The following ATP9B variants were observed in gnomAD, a reference collection of about 807,000 sequenced individuals.
The protein encoded by ATP9B is probable phospholipid-transporting ATPase IIB.
A neutral mutation model predicts 146.1 loss-of-function variants in ATP9B; 110 were observed. The observed-to-expected ratio is 0.75, with a 90% confidence interval of 0.65 to 0.88. The LOEUF (loss-of-function observed/expected upper bound fraction) is 0.88. ATP9B is among the 40% of genes least tolerant of loss of function. ATP9B has a pLI of 0.00. For synonymous variants in ATP9B, 604 were observed against 569.7 expected (o/e 1.06, Z -0.86); for missense variants, 1,499 against 1,496.4 (o/e 1.00, Z -0.03).
chr18:79,208,945 C>T (rs1331397445), intron 10 of ATP9B, among the ~76,000 whole-genome samples: 1 of 152,150 alleles, frequency 6.6e-6, no homozygotes, highest in Non-Finnish European at 1.5e-5. Flanking sequence ...GGTCTTCACA[C>T]CATGGGCAGG....
At chr18:79,325,958 T>C (rs79633634) in intron 15 of ATP9B, among the ~76,000 whole-genome samples, 1 of 138,214 alleles carries the variant, frequency 7.2e-6, no homozygotes, top group African/African-American at 2.9e-5. Flanking sequence ...GGGTGTCATC[T>C]CTGTACCCTC....
chr18:79,308,643 G>A (rs1057494911), intron 15 of ATP9B, among the ~76,000 whole-genome samples: 8 of 151,626 alleles, frequency 5.3e-5, no homozygotes, highest in African/African-American at 1.9e-4. Flanking sequence ...AGGGTCTGAG[G>A]AGTGATCCCC....
chr18:79,260,172 A>C (rs1035166901), intron 12 of ATP9B, among the ~76,000 whole-genome samples: 5 of 152,204 alleles, frequency 3.3e-5, no homozygotes, highest in African/African-American at 1.2e-4. Flanking sequence ...ATTGACTCAC[A>C]GTTCTGCATG....
chr18:79,200,758 G>GGAACTGTCGGGGTCAGAGCA (rs1450828837), intron 9 of ATP9B, among the ~76,000 whole-genome samples: 3 of 152,250 alleles, frequency 2.0e-5, no homozygotes, highest in Non-Finnish European at 2.9e-5. Context: ...GGTGGAGGTG[G>GGAACTGTCGGGGTCAGAGCA]GAACGTTGGG....
chr18:79,292,484 C>T (rs146320651), intron 13 of ATP9B, among the ~76,000 whole-genome samples: 53 of 152,212 alleles, frequency 3.5e-4, no homozygotes, highest in African/African-American at 1.1e-3. Flanking sequence ...TGTGTTAAGA[C>T]GGCAACAATT....
chr18:79,363,465 G>A (rs77717644), intron 26 of ATP9B: 2 of 133,642 alleles, frequency 1.5e-5, no homozygotes, highest in African/African-American at 5.6e-5. Flanking sequence ...TTCCTGGATT[G>A]AGAGACGTAA....
At chr18:79,124,757 A>G (rs1316153632) in intron 4 of ATP9B, among the ~76,000 whole-genome samples, 1 of 152,158 alleles carries the variant, frequency 6.6e-6, no homozygotes, top group East Asian at 1.9e-4. Flanking sequence ...AGAGCTGGGG[A>G]GAGCCTGCGT....
At chr18:79,120,705 G>T (rs1345322055) in intron 4 of ATP9B, among the ~76,000 whole-genome samples, 1 of 152,184 alleles carries the variant, frequency 6.6e-6, no homozygotes, top group African/African-American at 2.4e-5. Context: ...CTATGCAGAA[G>T]ATCTTTAGAT....
chr18:79,101,512 G>T (rs967379290), intron 2 of ATP9B, among the ~76,000 whole-genome samples: 1 of 152,146 alleles, frequency 6.6e-6, no homozygotes, highest in African/African-American at 2.4e-5. Flanking sequence ...GTGTGGATGT[G>T]TGTGGACAGA....
chr18:79,186,909 A>G (rs535250990), intron 8 of ATP9B, among the ~76,000 whole-genome samples: 2 of 152,296 alleles, frequency 1.3e-5, no homozygotes, highest in South Asian at 4.1e-4. Flanking sequence ...AGAGCTTGTA[A>G]GGCAGGAGTG....
chr18:79,256,257 C>CTCTA lies in ATP9B; in HGVS notation c.1268+2717_1268+2718insCTAT, dbSNP rs1555791767. ...ATGCCATTTTGTGAATTCTAGCTAG[C>CTCTA]TATATATATATATATATATATATAT... On this transcript the variant is annotated intron_variant, in intron 12 of 29. Transcript: ENST00000426216. Among the ~76,000 whole-genome samples, 8 of 100,372 alleles carry CTCTA rather than the reference C, an allele frequency of 8.0e-5. No homozygotes were observed. The East Asian group carries it at 8.5e-4, about 11-fold the overall frequency. The allele number at this position is 100,372 out of a possible 152,430, so 65.8% of individuals were successfully genotyped here. A position where few individuals can be genotyped will look rare whatever the true frequency, so the allele number is the denominator to read the frequency against.
At chr18:79,217,896 T>C (rs2095642690) in intron 11 of ATP9B, among the ~76,000 whole-genome samples, 1 of 152,240 alleles carries the variant, frequency 6.6e-6, no homozygotes, top group Non-Finnish European at 1.5e-5. Context: ...GTTGGATTTC[T>C]TCAGGTAGCA....
intron 26 of ATP9B, among the ~76,000 whole-genome samples, chr18:79,365,366 G>A (rs2097020322): frequency 1.3e-5 from 2 of 152,202 alleles, no homozygotes; most frequent in African/African-American, 2.4e-5. Context: ...AGGCTGGGGA[G>A]GGTCCAGAGC....
chr18:79,194,830 G>T (rs1281309015), intron 9 of ATP9B, among the ~76,000 whole-genome samples: 1 of 152,232 alleles, frequency 6.6e-6, no homozygotes, highest in African/African-American at 2.4e-5. Flanking sequence ...AGCCAGGATG[G>T]TGCAGCAGAA....
intron 15 of ATP9B, among the ~76,000 whole-genome samples, chr18:79,313,800 A>T (rs1251657716): frequency 6.6e-6 from 1 of 152,230 alleles, no homozygotes; most frequent in African/African-American, 2.4e-5. Context: ...TACTTGGGAA[A>T]TTGGACAATG....
rs2096721096 is a variant in ATP9B at position 79,322,402 on chromosome 18, G to A, written c.1774-6739G>A. On this transcript the variant is annotated intron_variant, in intron 15 of 29. Transcript: ENST00000426216. ...TGCACGGCACACCATCCCAAATGTG[G>A]GGCACAGAACCATTCCGACATTCTC... Among the ~76,000 whole-genome samples the A allele has an allele frequency of 2.0e-5, 3 of 152,168 alleles. No homozygotes were observed. The South Asian group carries it at 6.2e-4, about 31-fold the overall frequency.
intron 6 of ATP9B, among the ~76,000 whole-genome samples, chr18:79,152,161 AAGTC>A (rs2147594573): frequency 6.6e-6 from 1 of 152,356 alleles, no homozygotes; most frequent in African/African-American, 2.4e-5. Context: ...AATCATTAAA[AAGTC>A]AGGAAACAAC....
At chr18:79,323,210 G>A (rs1047068714) in intron 15 of ATP9B, among the ~76,000 whole-genome samples, 7 of 151,594 alleles carry the variant, frequency 4.6e-5, no homozygotes, top group South Asian at 2.1e-4. Context: ...TCCGTTTATC[G>A]TTGCTTCGCG....
In ATP9B at chr18:79,134,855, A is replaced by T. The variant is rs142895157; in HGVS notation, c.667+8480A>T. ...ATTTTTATATAATTTAAATATCCTG[A>T]TCTTTTGTGATTTTTACTTTAATCT... is the stretch of plus-strand genomic sequence containing the variant. On this transcript the variant is annotated intron_variant, in intron 5 of 29. Transcript: ENST00000426216. Among the ~76,000 whole-genome samples the T allele has an allele frequency of 4.8e-3, 737 of 152,172 alleles. 4 individuals are homozygous for T. Among genetic ancestry groups the T allele is most frequent in the South Asian group, 0.025 (119 of 4,822 alleles).
Sources: allele counts gnomAD v4.1 joint callset (sites outside exome capture counted in the v4.1 genomes callset), GRCh38; gene constraint gnomAD v4.1.1; transcripts MANE v1.5; gene names NCBI Gene and HGNC (gene_info 2026-07-23, HGNC 2026-07-21).